KLHL2: variants seen among roughly 807,000 people sequenced by gnomAD.
KLHL2 encodes kelch-like protein 2.
A neutral mutation model predicts 75.8 loss-of-function variants in KLHL2; 15 were observed. The observed-to-expected ratio is 0.20, with a 90% CI of 0.13 to 0.30. The LOEUF (loss-of-function observed/expected upper bound fraction) is 0.30. Among genes scored for constraint, KLHL2 ranks in the 10% least tolerant of loss-of-function variants. KLHL2 has a pLI of 1.00. For synonymous variants in KLHL2, 214 were observed against 251.9 expected (o/e 0.85, Z 1.42); for missense variants, 381 against 741.0 (o/e 0.51, Z 5.64).
chr4:165,259,938 T>G (rs1265445785), intron 4 of KLHL2, among the ~76,000 whole-genome samples: 1 of 151,482 alleles, frequency 6.6e-6, no homozygotes, highest in East Asian at 1.9e-4. Context: ...CTCAAAACTT[T>G]CAGCTTGCAG....
chr4:165,226,305 C>G (rs1738425789), intron 2 of KLHL2, among the ~76,000 whole-genome samples: 1 of 152,184 alleles, frequency 6.6e-6, no homozygotes, highest in Admixed American at 6.5e-5. Flanking sequence ...GCCCACAGTT[C>G]CGCATTCTGC....
intron 3 of KLHL2, among the ~76,000 whole-genome samples, chr4:165,235,890 A>G (rs1579010059): frequency 6.6e-6 from 1 of 152,326 alleles, no homozygotes; most frequent in East Asian, 1.9e-4. Context: ...GCTTCTCAAT[A>G]ATGTATTTCA....
chr4:165,307,158 G>A (rs1745797023), intron 9 of KLHL2, among the ~76,000 whole-genome samples: 1 of 151,992 alleles, frequency 6.6e-6, no homozygotes, highest in East Asian at 1.9e-4. Context: ...AAATACAAAA[G>A]ATAGCTGGGT....
chr4:165,218,833 G>T (rs1737750673), intron 1 of KLHL2, among the ~76,000 whole-genome samples: 2 of 152,200 alleles, frequency 1.3e-5, no homozygotes, highest in Non-Finnish European at 2.9e-5. Context: ...ATGTTTGCTT[G>T]TTCTTTGATA....
chr4:165,283,240 A>G (rs555927916), intron 5 of KLHL2, among the ~76,000 whole-genome samples: 145 of 152,286 alleles, frequency 9.5e-4, no homozygotes, highest in African/African-American at 3.4e-3. Flanking sequence ...AAAACCAATT[A>G]TGCCTTCCCA....
At chr4:165,217,382 G>A (rs939928756) in intron 1 of KLHL2, among the ~76,000 whole-genome samples, 8 of 152,186 alleles carry the variant, frequency 5.3e-5, no homozygotes, top group African/African-American at 9.6e-5. Flanking sequence ...CCCTCCAGAC[G>A]TGAATGTTCT....
chr4:165,239,215 A>T (rs1468322138), intron 4 of KLHL2, among the ~76,000 whole-genome samples: 3 of 150,518 alleles, frequency 2.0e-5, no homozygotes, highest in Non-Finnish European at 4.4e-5. Flanking sequence ...CCTTGGAAGG[A>T]TATAGTCTAC....
chr4:165,285,694 G>T (rs540679453), intron 5 of KLHL2, among the ~76,000 whole-genome samples: 1 of 151,976 alleles, frequency 6.6e-6, no homozygotes, highest in African/African-American at 2.4e-5. Context: ...GGCATGAGCC[G>T]CCATGCCTGG....
intron 1 of KLHL2, among the ~76,000 whole-genome samples, 200 bp downstream of exon 1, chr4:165,208,102 C>T (rs928038624): frequency 6.6e-6 from 1 of 151,866 alleles, no homozygotes; most frequent in Non-Finnish European, 1.5e-5. Context: ...TGACTTAAAA[C>T]GCTGCCCAGG....
intron 5 of KLHL2, among the ~76,000 whole-genome samples, chr4:165,266,662 C>G (rs1742265923): frequency 6.6e-6 from 1 of 152,106 alleles, no homozygotes; most frequent in Non-Finnish European, 1.5e-5. Flanking sequence ...GGCCTCTGTT[C>G]TGTTCCATTG....
At chr4:165,284,728 A>T (rs1257560544) in intron 5 of KLHL2, among the ~76,000 whole-genome samples, 2 of 152,170 alleles carry the variant, frequency 1.3e-5, no homozygotes, top group East Asian at 3.8e-4. Flanking sequence ...TACTGGTACC[A>T]ATTTACTGTA....
chr4:165,271,053 A>T (rs1004916034), intron 5 of KLHL2, among the ~76,000 whole-genome samples: 4 of 152,116 alleles, frequency 2.6e-5, no homozygotes, highest in Non-Finnish European at 4.4e-5. Context: ...TGATACCCTT[A>T]TATTAGTATA....
chr4:165,299,908 G>A (rs1745222232), intron 8 of KLHL2, among the ~76,000 whole-genome samples: 1 of 152,056 alleles, frequency 6.6e-6, no homozygotes, highest in South Asian at 2.1e-4. Context: ...GAAGACAACT[G>A]GTTTTTGTCC....
chr4:165,268,761 A>G (rs1485951154), intron 5 of KLHL2, among the ~76,000 whole-genome samples: 7 of 152,172 alleles, frequency 4.6e-5, no homozygotes, highest in East Asian at 1.9e-4. Context: ...AATAAGTGCA[A>G]TGTGGTGCTG....
chr4:165,269,396 C>G (rs1191669465), intron 5 of KLHL2, among the ~76,000 whole-genome samples: 1 of 152,138 alleles, frequency 6.6e-6, no homozygotes, highest in Non-Finnish European at 1.5e-5. Flanking sequence ...GATGCAGTTT[C>G]TTCATAGCAT....
Position 165,303,114 on chromosome 4 carries a change from C to G in KLHL2, c.922-2494C>G, listed in dbSNP as rs539249016. 3.3e-5 allele frequency among the ~76,000 whole-genome samples: 5 copies of G among 152,266 alleles called. No individual in the cohort carries two copies. In the South Asian group the frequency reaches 1.0e-3, roughly 32 times the overall value. ...CACGTTCTCCTTGTCTCCTTTATCC[C>G]TGATTCCTGGAGACCCAAATCGTTA... is the stretch of plus-strand genomic sequence containing the variant. On this transcript the variant is annotated intron_variant, in intron 8 of 14. Coordinates refer to ENST00000226725, the MANE Select transcript of KLHL2 (RefSeq NM_007246.4).
chr4:165,296,695 G>A (rs188897825), intron 6 of KLHL2, among the ~76,000 whole-genome samples: 12 of 152,246 alleles, frequency 7.9e-5, no homozygotes, highest in African/African-American at 2.9e-4. Context: ...GATAGAAGCA[G>A]GGGGGAGAGA....
chr4:165,292,043 GTGTA>G (rs1744554587), intron 5 of KLHL2, among the ~76,000 whole-genome samples: 1 of 152,012 alleles, frequency 6.6e-6, no homozygotes, highest in Non-Finnish European at 1.5e-5. Context: ...ACCTAATATA[GTGTA>G]TGTGCTATAG....
intron 1 of KLHL2, among the ~76,000 whole-genome samples, chr4:165,209,084 G>T (rs1225454133): frequency 6.6e-6 from 1 of 152,192 alleles, no homozygotes; most frequent in African/African-American, 2.4e-5. Flanking sequence ...GGAAATCTAG[G>T]GGGTAGATAA....
Sources: gnomAD v4.1 joint callset for allele counts (sites outside exome capture counted in the v4.1 genomes callset) on GRCh38, gnomAD v4.1.1 for gene constraint, MANE v1.5 for transcripts, NCBI Gene and HGNC (gene_info 2026-07-23, HGNC 2026-07-21) for gene names.